Variants in KYNU observed in about 807,000 individuals in gnomAD.
KYNU encodes L-kynurenine hydrolase.
KYNU carries 54 observed loss-of-function variants against 59.2 expected under a neutral mutation model. That is an observed-to-expected ratio of 0.91 (90% CI 0.73 to 1.14). The LOEUF (loss-of-function observed/expected upper bound fraction) is 1.14, where lower values mean the gene tolerates loss of function less well. Ranked by LOEUF, KYNU falls within the 50% of genes most tolerant of loss-of-function variation. The pLI is 0.00. For synonymous variants in KYNU, 177 were observed against 192.0 expected, an observed-to-expected ratio of 0.92 and a Z score of 0.65; for missense variants, 567 against 554.4, an observed-to-expected ratio of 1.02 and a Z score of -0.23.
intron 3 of KYNU, among the ~76,000 whole-genome samples, chr2:142,920,055 G>A (rs1037088106): frequency 2.0e-5 from 3 of 151,972 alleles, no homozygotes; most frequent in Non-Finnish European, 2.9e-5. Context: ...GGGCGACTCT[G>A]CTTCAATAAA....
In KYNU at chr2:143,024,843, G is replaced by T. The variant is rs145886085; in HGVS notation, c.903-4784G>T. 6.6e-5 allele frequency among the ~76,000 whole-genome samples: 10 copies of T among 151,806 alleles called. No homozygotes were observed. The East Asian group carries it at 1.9e-3, about 29-fold the overall frequency. On this transcript the variant is annotated intron_variant, in intron 10 of 13. Coordinates refer to ENST00000264170, the MANE Select transcript of KYNU (RefSeq NM_003937.3). ...TAACTTTAAAAAATATTCTTCTCAG[G>T]CTTTTCTTCTTTGGAAACTCATTTT... is the stretch of plus-strand genomic sequence containing the variant.
chr2:143,035,014 A>G (rs77232829), intron 12 of KYNU, among the ~76,000 whole-genome samples: 2,348 of 152,350 alleles, frequency 0.015, 162 homozygotes, highest in Admixed American at 0.13. Context: ...TGGGAAAGGA[A>G]GCACATTCCT....
chr2:143,015,485 T>C (rs1008030280), intron 10 of KYNU, among the ~76,000 whole-genome samples: 1 of 152,160 alleles, frequency 6.6e-6, no homozygotes, highest in Non-Finnish European at 1.5e-5. Flanking sequence ...GAAAATAGGA[T>C]CAGTACTTAA....
chr2:142,956,296 A>C (rs1186447233), intron 6 of KYNU, 22 bp downstream of exon 6: 1 of 1,459,260 alleles, frequency 6.9e-7, no homozygotes. Context: ...TTCAAATTGT[A>C]TTTATGTTCT....
intron 10 of KYNU, among the ~76,000 whole-genome samples, chr2:142,995,245 A>G (rs1685507214): frequency 6.6e-6 from 1 of 152,136 alleles, no homozygotes; most frequent in Admixed American, 6.6e-5. Flanking sequence ...ACTTTAGAAA[A>G]CAATTTTTAT....
At chr2:142,940,787 A>G (rs958524204) in intron 4 of KYNU, among the ~76,000 whole-genome samples, 3 of 152,230 alleles carry the variant, frequency 2.0e-5, no homozygotes, top group African/African-American at 7.2e-5. Flanking sequence ...CAAAAATCCT[A>G]GAAACCACCC....
chr2:142,919,147 G>A (rs1020155925), intron 3 of KYNU, among the ~76,000 whole-genome samples: 12 of 152,168 alleles, frequency 7.9e-5, no homozygotes, highest in African/African-American at 2.7e-4. Context: ...TCCATAGAGA[G>A]GGAATCCATG....
chr2:142,885,667 G>A, intron 2 of KYNU, 131 bp downstream of exon 2: 2 of 858,264 alleles, frequency 2.3e-6, no homozygotes, highest in Non-Finnish European at 3.6e-6. Flanking sequence ...TTGAAAAGCA[G>A]AAGATCCCTG....
intron 2 of KYNU, among the ~76,000 whole-genome samples, chr2:142,887,901 G>A (rs1422775294): frequency 6.6e-6 from 1 of 152,178 alleles, no homozygotes; most frequent in Non-Finnish European, 1.5e-5. Context: ...TAAATTTTAG[G>A]TGCATTTTAG....
rs1048596569 is a variant in KYNU, at chr2:143,046,929, A to G, written c.*4757A>G. On this transcript the variant is annotated 3_prime_UTR_variant, in exon 14 of 14. Coordinates refer to ENST00000264170, the MANE Select transcript of KYNU (RefSeq NM_003937.3). ...ATAGTGAGCCTTCCTACCCAAGACC[A>G]TGGCATTTATTTTCATTTATTTATG... 6.6e-6 allele frequency: 1 copy of G among 152,180 alleles called. No individual in the cohort carries two copies. Among genetic ancestry groups the G allele is most frequent in the Admixed American group, 6.6e-5 (1 of 15,258 alleles). The allele number at this position is 152,180 out of a possible 1,614,324, so 9.4% of individuals were successfully genotyped here. A position where few individuals can be genotyped will look rare whatever the true frequency, so the allele number is the denominator to read the frequency against.
At chr2:142,919,054 G>A (rs1443310157) in intron 3 of KYNU, among the ~76,000 whole-genome samples, 3 of 152,094 alleles carry the variant, frequency 2.0e-5, no homozygotes, top group East Asian at 1.9e-4. Flanking sequence ...GAATAGTGAC[G>A]AGAAAAAAAG....
intron 13 of KYNU, 49 bp from the exon 14 acceptor site, chr2:143,041,997 CA>C: frequency 6.3e-7 from 1 of 1,594,744 alleles, no homozygotes; most frequent in Non-Finnish European, 8.6e-7. Flanking sequence ...TGTAGATTTT[CA>C]ACGTGTGAAT....
chr2:143,018,395 G>A (rs1039460050), intron 10 of KYNU, among the ~76,000 whole-genome samples: 3 of 152,142 alleles, frequency 2.0e-5, no homozygotes, highest in Non-Finnish European at 4.4e-5. Context: ...TATTGAGTAG[G>A]GAGTCCTTTT....
chr2:142,948,225 G>T (rs1454081348), intron 4 of KYNU: 1 of 152,246 alleles, frequency 6.6e-6, no homozygotes, highest in Non-Finnish European at 1.5e-5. Context: ...AACCTTATGA[G>T]CCAACCTGTG....
chr2:142,966,461 T>C (rs189981703), intron 8 of KYNU, among the ~76,000 whole-genome samples: 279 of 152,312 alleles, frequency 1.8e-3, no homozygotes, highest in Non-Finnish European at 3.1e-3. Flanking sequence ...TAACACTCAG[T>C]CCATGACCTT....
intron 11 of KYNU, among the ~76,000 whole-genome samples, 195 bp downstream of exon 11, chr2:143,029,874 C>G (rs1211806615): frequency 2.0e-5 from 3 of 152,146 alleles, no homozygotes; most frequent in Non-Finnish European, 4.4e-5. Context: ...GATTTTGAGT[C>G]TATCCCTTAG....
chr2:142,942,668 G>A (rs907280623), intron 4 of KYNU, among the ~76,000 whole-genome samples: 4 of 152,200 alleles, frequency 2.6e-5, no homozygotes, highest in African/African-American at 9.6e-5. Context: ...AGGAGTGAAA[G>A]TTTATTAAAA....
intron 4 of KYNU, among the ~76,000 whole-genome samples, chr2:142,934,081 G>A (rs147916520): frequency 8.5e-5 from 13 of 152,210 alleles, no homozygotes; most frequent in African/African-American, 2.4e-4. Flanking sequence ...TAAGCGATAA[G>A]TTTCATCTGG....
At position 143,043,737 on chromosome 2, in the gene KYNU, A is replaced by T. The variant is rs1239313979; in HGVS notation, c.*1565A>T. On this transcript the variant is annotated 3_prime_UTR_variant, in exon 14 of 14. Transcript: ENST00000264170. The stretch of plus-strand genomic sequence containing the variant: ...ATATACATATATAAAAATATATATA[A>T]ATATATATACTTTATATATATTTAT... 1.4e-5 allele frequency: 2 copies of T among 146,778 alleles called. No individual in the cohort carries two copies. The highest frequency in any genetic ancestry group is 2.5e-5 in the African/African-American group (1 of 40,408). The allele number at this position is 146,778 out of a possible 1,614,324, so 9.1% of individuals were successfully genotyped here. A position where few individuals can be genotyped will look rare whatever the true frequency, so the allele number is the denominator to read the frequency against.
Sources: gnomAD v4.1 joint callset for allele counts (sites outside exome capture counted in the v4.1 genomes callset) on GRCh38, gnomAD v4.1.1 for gene constraint, MANE v1.5 for transcripts, NCBI Gene and HGNC (gene_info 2026-07-23, HGNC 2026-07-21) for gene names.